Variants in BNC2 observed in about 807,000 individuals in gnomAD.
BNC2 encodes the protein basonuclin zinc finger protein 2.
BNC2 carries 20 observed loss-of-function variants against 76.3 expected under a neutral mutation model. The ratio of observed to expected loss-of-function variants is 0.26; its 90% CI spans 0.18 to 0.38. The LOEUF (loss-of-function observed/expected upper bound fraction) is 0.38. BNC2 is among the 10% of genes least tolerant of loss of function. The pLI, the probability that BNC2 is intolerant of heterozygous loss-of-function variation, is 1.00. For missense variants in BNC2, 1,382 were observed against 1,399.8 expected (o/e 0.99, Z 0.20); for synonymous variants, 582 against 514.8 (o/e 1.13, Z -1.77).
Position 16,550,377 on chromosome 9 carries a change from G to A in BNC2, c.669+2153C>T, listed in dbSNP as rs574545043. Among the ~76,000 whole-genome samples, 3 of 152,158 alleles carry A rather than the reference G, an allele frequency of 2.0e-5. No homozygotes were observed. In the East Asian group the frequency reaches 5.8e-4, roughly 29 times the overall value. On this transcript the variant is annotated intron_variant, in intron 5 of 6. Coordinates refer to ENST00000380672, the MANE Select transcript of BNC2 (RefSeq NM_017637.6). ...GATTTGACACCCCTGCTAAATACTG[G>A]GCCCTCCCATACAAAGAAATACAGA...
chr9:16,752,429 T>TGCG (rs1825247250), intron 1 of BNC2, among the ~76,000 whole-genome samples: 1 of 151,738 alleles, frequency 6.6e-6, no homozygotes, highest in East Asian at 1.9e-4. Context: ...GTCAATGTGT[T>TGCG]TGGGCGGCAG....
intron 1 of BNC2, among the ~76,000 whole-genome samples, chr9:16,768,634 C>G (rs1320512745): frequency 6.6e-6 from 1 of 152,088 alleles, no homozygotes; most frequent in Non-Finnish European, 1.5e-5. Flanking sequence ...TCCAACCTAA[C>G]TCAGTAAGTA....
intron 3 of BNC2, among the ~76,000 whole-genome samples, chr9:16,698,441 A>G (rs1219852196): frequency 2.0e-5 from 3 of 152,246 alleles, no homozygotes; most frequent in Non-Finnish European, 2.9e-5. Context: ...CTGTAATCCC[A>G]GCACTTTGGG....
intron 3 of BNC2, among the ~76,000 whole-genome samples, chr9:16,621,152 T>C (rs915936164): frequency 1.3e-5 from 2 of 152,162 alleles, no homozygotes; most frequent in African/African-American, 2.4e-5. Flanking sequence ...CCTGCTGATT[T>C]TGTCCAGGTG....
At chr9:16,858,659 C>G (rs1395781599) in intron 1 of BNC2, among the ~76,000 whole-genome samples, 1 of 151,994 alleles carries the variant, frequency 6.6e-6, no homozygotes, top group African/African-American at 2.4e-5. Flanking sequence ...TCCTGGCTAA[C>G]ATGGTAAAAC....
intron 3 of BNC2, among the ~76,000 whole-genome samples, chr9:16,666,761 T>C (rs1038805801): frequency 3.3e-5 from 5 of 152,204 alleles, no homozygotes; most frequent in African/African-American, 1.2e-4. Flanking sequence ...CACTAATCTA[T>C]ACAAAGCCAG....
At chr9:16,654,249 G>A (rs371540747) in intron 3 of BNC2, among the ~76,000 whole-genome samples, 2 of 151,998 alleles carry the variant, frequency 1.3e-5, no homozygotes, top group South Asian at 2.1e-4. Flanking sequence ...TTCCTCTGCC[G>A]AACCCCAACA....
chr9:16,463,385 C>T (rs1470602123), intron 5 of BNC2, among the ~76,000 whole-genome samples: 10 of 140,412 alleles, frequency 7.1e-5, no homozygotes, highest in African/African-American at 9.2e-5. Context: ...CAAGCTCCGC[C>T]TCCCGGGTTC....
chr9:16,692,735 C>G (rs887836808), intron 3 of BNC2, among the ~76,000 whole-genome samples: 2 of 152,070 alleles, frequency 1.3e-5, no homozygotes, highest in Non-Finnish European at 1.5e-5. Flanking sequence ...ACTTAGGGAC[C>G]AAGGGCCAAC....
chr9:16,837,228 A>G (rs1029264807), intron 1 of BNC2, among the ~76,000 whole-genome samples: 29 of 152,234 alleles, frequency 1.9e-4, no homozygotes, highest in Non-Finnish European at 2.1e-4. Context: ...AATTCTGGCC[A>G]GGCTTGGTGG....
chr9:16,514,121 A>G (rs1822822586), intron 5 of BNC2, among the ~76,000 whole-genome samples: 1 of 152,146 alleles, frequency 6.6e-6, no homozygotes, highest in East Asian at 1.9e-4. Flanking sequence ...AGTCCTTTCT[A>G]CACCCTGGTC....
At chr9:16,779,328 TTAGA>T (rs925685530) in intron 1 of BNC2, among the ~76,000 whole-genome samples, 5 of 150,188 alleles carry the variant, frequency 3.3e-5, no homozygotes, top group African/African-American at 4.9e-5. Flanking sequence ...AAGATTTTGA[TTAGA>T]TAGTTACCAG....
At chr9:16,794,360 A>C (rs148104195) in intron 1 of BNC2, among the ~76,000 whole-genome samples, 92 of 152,254 alleles carry the variant, frequency 6.0e-4, no homozygotes, top group African/African-American at 2.1e-3. Context: ...AGCTTTTTTC[A>C]CATTAATCTT....
chr9:16,444,711 G>A (rs1456879603), intron 5 of BNC2, among the ~76,000 whole-genome samples: 1 of 152,192 alleles, frequency 6.6e-6, no homozygotes, highest in Non-Finnish European at 1.5e-5. Flanking sequence ...TTCTGTGGAA[G>A]AGAAACCTTT....
chr9:16,828,952 A>C lies in BNC2; in HGVS notation c.3+41694T>G, dbSNP rs558099067. On this transcript the variant is annotated intron_variant, in intron 1 of 6. Coordinates refer to ENST00000380672, the MANE Select transcript of BNC2 (RefSeq NM_017637.6). ...CTAGATGGCCCCGAAGCGACTCCAG[A>C]GGCTGGGGCGCGGGGGAGAGGCCGC... is the stretch of plus-strand genomic sequence containing the variant. 1.7e-4 allele frequency among the ~76,000 whole-genome samples: 22 copies of C among 132,914 alleles called. No individual in the cohort carries two copies. The East Asian group carries it at 4.7e-3, about 28-fold the overall frequency. 87.2% of individuals were successfully genotyped at this position (132,914 alleles called of 152,430 possible).
At position 16,418,475 on chromosome 9, in the gene BNC2, C is replaced by G. The variant is rs991970853; in HGVS notation, c.*514G>C. 1 of 154,148 alleles carries G rather than the reference C, an allele frequency of 6.5e-6. No individual in the cohort carries two copies. Among genetic ancestry groups the G allele is most frequent in the African/African-American group, 2.4e-5 (1 of 41,448 alleles). 9.5% of individuals were successfully genotyped at this position (154,148 alleles called of 1,614,324 possible). A position where few individuals can be genotyped will look rare whatever the true frequency, so the allele number is the denominator to read the frequency against. On this transcript the variant is annotated 3_prime_UTR_variant, in exon 7 of 7. Coordinates refer to ENST00000380672, the MANE Select transcript of BNC2 (RefSeq NM_017637.6). The stretch of plus-strand genomic sequence containing the variant: ...CAAGGCTAAATATTTACAGGTGAAT[C>G]TGCCATGCTTTAATTGAAGATTCTT...
intron 5 of BNC2, among the ~76,000 whole-genome samples, chr9:16,467,293 A>T (rs1368859768): frequency 1.6e-5 from 2 of 125,724 alleles, no homozygotes; most frequent in Non-Finnish European, 3.3e-5. Flanking sequence ...AGGGATCTAG[A>T]ACTAGAAATA....
At chr9:16,656,959 G>A (rs772765441) in intron 3 of BNC2, among the ~76,000 whole-genome samples, 4 of 152,194 alleles carry the variant, frequency 2.6e-5, no homozygotes, top group Admixed American at 2.6e-4. Flanking sequence ...AGTCTAAGCT[G>A]ACTTTCTGGT....
chr9:16,461,599 G>A (rs980838096), intron 5 of BNC2, among the ~76,000 whole-genome samples: 1 of 151,916 alleles, frequency 6.6e-6, no homozygotes, highest in South Asian at 2.1e-4. Context: ...AACGTGGTGG[G>A]GGGTGGCGGG....
Sources: gnomAD v4.1 joint callset for allele counts (sites outside exome capture counted in the v4.1 genomes callset) on GRCh38, gnomAD v4.1.1 for gene constraint, MANE v1.5 for transcripts, NCBI Gene and HGNC (gene_info 2026-07-23, HGNC 2026-07-21) for gene names.